The following RSBN1L variants were observed in gnomAD, a reference collection of about 807,000 sequenced individuals.
The protein encoded by RSBN1L is round spermatid basic protein 1 like.
In RSBN1L, 30 loss-of-function variants were observed where a neutral mutation model predicts 67.7. That is an observed-to-expected ratio of 0.44 (90% confidence interval 0.33 to 0.60). The LOEUF (loss-of-function observed/expected upper bound fraction) is 0.60. RSBN1L is among the 20% of genes least tolerant of loss of function. RSBN1L has a pLI of 0.02. For synonymous variants in RSBN1L, 433 were observed against 387.0 expected, an observed-to-expected ratio of 1.12 and a Z score of -1.39; for missense variants, 992 against 1,031.7, an observed-to-expected ratio of 0.96 and a Z score of 0.53.
chr7:77,706,991 T>G (rs993940022), intron 1 of RSBN1L, among the ~76,000 whole-genome samples: 4 of 152,248 alleles, frequency 2.6e-5, no homozygotes, highest in Admixed American at 2.6e-4. Context: ...GTAAATTAAC[T>G]GTATACCCGT....
At chr7:77,740,591 A>G (rs1443474608) in intron 2 of RSBN1L, among the ~76,000 whole-genome samples, 1 of 152,168 alleles carries the variant, frequency 6.6e-6, no homozygotes, top group African/African-American at 2.4e-5. Context: ...GGGATGGGGG[A>G]GAGAGAAAGA....
chr7:77,729,379 CTT>C (rs974276788), intron 1 of RSBN1L, among the ~76,000 whole-genome samples: 65 of 152,160 alleles, frequency 4.3e-4, no homozygotes, highest in African/African-American at 1.3e-3. Flanking sequence ...GCCCTCATGA[CTT>C]TAATAATAGT....
chr7:77,704,655 T>TC (rs562996070), intron 1 of RSBN1L, among the ~76,000 whole-genome samples: 22 of 152,226 alleles, frequency 1.4e-4, no homozygotes, highest in African/African-American at 5.1e-4. Context: ...GATTTTTTTT[T>TC]CCCATTAAGT....
chr7:77,769,563 C>T (rs1791818108), intron 5 of RSBN1L, among the ~76,000 whole-genome samples: 1 of 152,122 alleles, frequency 6.6e-6, no homozygotes, highest in South Asian at 2.1e-4. Flanking sequence ...GGAGACCTTC[C>T]TAAGCAAGAC....
At chr7:77,729,992 T>C (rs995637631) in intron 1 of RSBN1L, among the ~76,000 whole-genome samples, 1 of 152,196 alleles carries the variant, frequency 6.6e-6, no homozygotes, top group South Asian at 2.1e-4. Flanking sequence ...TTTTTATATC[T>C]TAATCTTTAT....
At chr7:77,754,029 A>G (rs186412687) in intron 3 of RSBN1L, among the ~76,000 whole-genome samples, 3 of 152,256 alleles carry the variant, frequency 2.0e-5, no homozygotes, top group East Asian at 1.9e-4. Flanking sequence ...CAGCTTTATA[A>G]TAACTCTTTC....
In RSBN1L at chr7:77,696,703, G is replaced by A. The variant is rs1403428363; in HGVS notation, c.234G>A (p.Gln78=). The A allele has an allele frequency of 1.2e-6, 2 of 1,613,522 alleles. No homozygotes were observed. The highest frequency in any genetic ancestry group is 2.2e-5 in the East Asian group (1 of 44,868). The change falls in exon 1 of 8, where the codon CAG becomes CAA. Residue 78 remains glutamine (Q), a synonymous_variant. Coordinates refer to ENST00000334955, the MANE Select transcript of RSBN1L (RefSeq NM_198467.3). ...AGCCGCCGGCAGCACCTTCGCCTCAGAGCTATGGCAGCCCCGCGTCTTGGA... is the reference window on the plus strand; with the variant it reads ...AGCCGCCGGCAGCACCTTCGCCTCAAAGCTATGGCAGCCCCGCGTCTTGGA... ...QLQPPAAPSP[Q]SYGSPASWSF... is the part of the protein sequence containing the mutation.
chr7:77,761,035 T>C (rs181348240), intron 3 of RSBN1L, among the ~76,000 whole-genome samples: 9 of 152,364 alleles, frequency 5.9e-5, no homozygotes, highest in East Asian at 1.9e-4. Context: ...AAAGCAAATA[T>C]AGTAAGCTCA....
Position 77,696,483 on chromosome 7 carries a change from C to G in RSBN1L, c.14C>G (p.Pro5Arg). 6.2e-7 allele frequency: 1 copy of G among 1,609,772 alleles called. No individual in the cohort carries two copies. Among genetic ancestry groups the G allele is most frequent in the Non-Finnish European group, 8.5e-7 (1 of 1,177,594 alleles). ...CAGGAGCGCAAAATGGCGGAACCGC[C>G]GAGCCCCGTGCACTGTGTCGCTGCC... MAEPPSPVHCVAAAA... is the reference protein window; with the variant it reads MAEPRSPVHCVAAAA... The change falls in exon 1 of 8, where the codon CCG (proline) becomes CGG (arginine). Residue 5 changes from proline (P) to arginine (R), a missense_variant. Around this residue, in one of 7 missense-constraint regions of RSBN1L, gnomAD observed 575 missense variants for 483.2 expected, o/e 1.19. Transcript: ENST00000334955.
intron 1 of RSBN1L, among the ~76,000 whole-genome samples, chr7:77,709,152 TTGTGTGTGTGTGTGTGTGTGTGTG>T (rs67322019): frequency 7.0e-6 from 1 of 142,368 alleles, no homozygotes; most frequent in African/African-American, 2.6e-5. Context: ...GGGATTCTGT[TTGTGTGTGTGTGTGTGTGTGTGTG>T]TGTGTGTGTG....
chr7:77,765,096 A>G (rs1187641809), intron 3 of RSBN1L, among the ~76,000 whole-genome samples: 1 of 152,204 alleles, frequency 6.6e-6, no homozygotes, highest in Non-Finnish European at 1.5e-5. Flanking sequence ...AATTTTGAAA[A>G]TGTTGATGAA....
chr7:77,761,845 A>C (rs1383006228), intron 3 of RSBN1L, among the ~76,000 whole-genome samples: 1 of 152,210 alleles, frequency 6.6e-6, no homozygotes, highest in African/African-American at 2.4e-5. Flanking sequence ...TTACAGATTA[A>C]GATTTTGATG....
intron 1 of RSBN1L, among the ~76,000 whole-genome samples, chr7:77,725,876 G>C (rs952182297): frequency 5.3e-5 from 8 of 152,070 alleles, no homozygotes; most frequent in African/African-American, 1.9e-4. Context: ...GAGCCACTGC[G>C]CCTGGCTAAG....
At chr7:77,723,604 G>A (rs1415730443) in intron 1 of RSBN1L, among the ~76,000 whole-genome samples, 1 of 152,108 alleles carries the variant, frequency 6.6e-6, no homozygotes, top group Non-Finnish European at 1.5e-5. Context: ...AAGTAGCTGG[G>A]ACTGCAGGCA....
rs1476790665 is a variant in RSBN1L at position 77,781,939 on chromosome 7, CGCCCCACT to C, written c.*2776_*2783del. ...GGAGAAGGTTGCAGTGAGCCGAGAT[CGCCCCACT>C]GCCCTCCAGCCTGGGCGACAGTCTC... On this transcript the variant is annotated 3_prime_UTR_variant, in exon 8 of 8. Coordinates refer to ENST00000334955, the MANE Select transcript of RSBN1L (RefSeq NM_198467.3). 1 of 149,408 alleles carries C rather than the reference CGCCCCACT, an allele frequency of 6.7e-6. No homozygotes were observed. Among genetic ancestry groups the C allele is most frequent in the African/African-American group, 2.5e-5 (1 of 40,336 alleles). The allele number at this position is 149,408 out of a possible 1,614,324, so 9.3% of individuals were successfully genotyped here.
intron 1 of RSBN1L, among the ~76,000 whole-genome samples, chr7:77,719,637 G>A (rs1037128290): frequency 3.3e-5 from 5 of 152,150 alleles, no homozygotes; most frequent in South Asian, 4.1e-4. Flanking sequence ...GAGAACAGAC[G>A]AAATGCTTTT....
At chr7:77,761,606 TTTA>T (rs1282074951) in intron 3 of RSBN1L, among the ~76,000 whole-genome samples, 1 of 152,218 alleles carries the variant, frequency 6.6e-6, no homozygotes, top group Non-Finnish European at 1.5e-5. Context: ...GCGTGTGGAT[TTTA>T]TTCTTACATT....
chr7:77,764,422 T>C (rs4729710), intron 3 of RSBN1L, among the ~76,000 whole-genome samples: 13,457 of 152,254 alleles, frequency 0.088, 796 homozygotes, highest in South Asian at 0.19. Flanking sequence ...CATGGCTTTG[T>C]TTTGGCTCTT....
chr7:77,728,834 T>G (rs1791239788), intron 1 of RSBN1L, among the ~76,000 whole-genome samples: 1 of 152,208 alleles, frequency 6.6e-6, no homozygotes, highest in Non-Finnish European at 1.5e-5. Flanking sequence ...CGATTTCTCT[T>G]ACCATCTGTT....
Sources: allele counts gnomAD v4.1 joint callset (sites outside exome capture counted in the v4.1 genomes callset), GRCh38; gene constraint gnomAD v4.1.1; regional missense constraint gnomAD v4.1.1; transcripts MANE v1.5; gene names NCBI Gene and HGNC (gene_info 2026-07-23, HGNC 2026-07-21).